POMGNT1: variants seen among roughly 807,000 people sequenced by gnomAD.
The protein encoded by POMGNT1 is protein O-linked-mannose beta-1,2-N-acetylglucosaminyltransferase 1.
A neutral mutation model predicts 95.6 loss-of-function variants in POMGNT1; 67 were observed. The observed-to-expected ratio is 0.70, with a 90% CI of 0.58 to 0.86. The LOEUF is 0.86. POMGNT1 is among the 40% of genes least tolerant of loss of function. The probability of loss-of-function intolerance (pLI) is 0.00; values close to 1 mark genes in which losing one functional copy is unlikely to be tolerated. For missense variants in POMGNT1, 719 were observed against 855.2 expected, an observed-to-expected ratio of 0.84 and a Z score of 1.99; for synonymous variants, 298 against 317.9, an observed-to-expected ratio of 0.94 and a Z score of 0.66.
At position 46,197,387 on chromosome 1, in the gene POMGNT1, G is replaced by C. The variant is rs767940696; in HGVS notation, c.121-303C>G. The C allele has an allele frequency of 1.9e-5, 28 of 1,484,788 alleles. No individual in the cohort carries two copies. In the South Asian group the frequency reaches 3.3e-4, roughly 17 times the overall value. The allele number at this position is 1,484,788 out of a possible 1,614,324, so 92.0% of individuals were successfully genotyped here. A position where few individuals can be genotyped will look rare whatever the true frequency, so the allele number is the denominator to read the frequency against. On this transcript the variant is annotated intron_variant, in intron 2 of 21. Transcript: ENST00000371984. ...TGTTGGTTTCTAGAGATGGAGCCAG[G>C]CCCAGGGACCCAAGCGGGGGATCAG... is the stretch of plus-strand genomic sequence containing the variant.
At chr1:46,195,062 C>T (rs1658121631) in intron 6 of POMGNT1, 101 bp from the exon 7 acceptor site, 1 of 1,013,434 alleles carries the variant, frequency 9.9e-7, no homozygotes, top group Admixed American at 1.7e-5. Context: ...TAAAATAGCT[C>T]ATTACATTAT....
At chr1:46,217,086 T>C (rs1659092930) in intron 1 of POMGNT1, among the ~76,000 whole-genome samples, 2 of 151,926 alleles carry the variant, frequency 1.3e-5, no homozygotes, top group African/African-American at 4.8e-5. Flanking sequence ...TTCACCCAAA[T>C]GAAGGAGTAA....
At position 46,189,151 on chromosome 1, in the gene POMGNT1, G is replaced by A; in HGVS notation, c.*119C>T. 6.7e-7 allele frequency: 1 copy of A among 1,501,962 alleles called. No homozygotes were observed. The allele number at this position is 1,501,962 out of a possible 1,614,324, so 93.0% of individuals were successfully genotyped here. Reference sequence around the variant, plus strand: ...CTTGGAGTTAGTAATTAAGTCTCATGTTAAAAACAAGGTAGCCCCAGCCCC... The same window carrying A: ...CTTGGAGTTAGTAATTAAGTCTCATATTAAAAACAAGGTAGCCCCAGCCCC... On this transcript the variant is annotated 3_prime_UTR_variant, in exon 22 of 22. Coordinates refer to ENST00000371984, the MANE Select transcript of POMGNT1 (RefSeq NM_017739.4).
intron 1 of POMGNT1, among the ~76,000 whole-genome samples, chr1:46,204,619 G>A (rs955433222): frequency 2.6e-5 from 4 of 152,140 alleles, no homozygotes; most frequent in African/African-American, 4.8e-5. Flanking sequence ...CCAGGGCTCC[G>A]ACGCCTGAGC....
chr1:46,197,963 T>C (rs1658374167), intron 1 of POMGNT1, 92 bp from the exon 2 acceptor site: 3 of 1,262,748 alleles, frequency 2.4e-6, no homozygotes, highest in Non-Finnish European at 2.2e-6. Context: ...CAGCAACTCT[T>C]CCCTGCAAGC....
chr1:46,200,440 CCCT>C (rs1025613093), upstream of POMGNT1, among the ~76,000 whole-genome samples: 3 of 152,184 alleles, frequency 2.0e-5, no homozygotes, highest in Admixed American at 6.5e-5. Flanking sequence ...CTGTGGGTTC[CCCT>C]CCTCAGTGAA....
chr1:46,215,598 GAAAATT>G (rs1306158985), intron 1 of POMGNT1, among the ~76,000 whole-genome samples: 1 of 152,176 alleles, frequency 6.6e-6, no homozygotes, highest in African/African-American at 2.4e-5. Flanking sequence ...GGCTAACACT[GAAAATT>G]AAAAGACATG....
At position 46,217,252 on chromosome 1, in the gene POMGNT1, C is replaced by T. The variant is rs190091599; in HGVS notation, c.-51+2453G>A. Among the ~76,000 whole-genome samples the T allele has an allele frequency of 1.1e-3, 171 of 152,126 alleles. 1 individual carries two copies. The highest frequency in any genetic ancestry group is 3.8e-3 in the African/African-American group (159 of 41,488). On this transcript the variant is annotated intron_variant, in intron 1 of 22. Transcript: ENST00000371992. Reference sequence around the variant, plus strand: ...GCAGAGGGCTCCTTAAGAGATGCCTCTCAGAAGATGGAATAGATAGAACGT... The same window carrying T: ...GCAGAGGGCTCCTTAAGAGATGCCTTTCAGAAGATGGAATAGATAGAACGT...
At position 46,193,184 on chromosome 1, in the gene POMGNT1, T is replaced by G. The variant is rs140846775; in HGVS notation, c.1142A>C (p.Asn381Thr). ...HYKASLTATF[N>T]LFPEAKFAVV... is the part of the protein sequence containing the mutation. ...ATCCTTAGTACTCACCGGAAACAGGTTGAAAGTGGCAGTGAGGCTGGCCTT... is the reference window on the plus strand; with the variant it reads ...ATCCTTAGTACTCACCGGAAACAGGGTGAAAGTGGCAGTGAGGCTGGCCTT... The change falls in exon 13 of 22, where the codon AAC (asparagine) becomes ACC (threonine). Residue 381 changes from asparagine (N) to threonine (T), a missense_variant. By Grantham distance (65) the Asn-to-Thr change is moderately conservative. Coordinates refer to ENST00000371984, the MANE Select transcript of POMGNT1 (RefSeq NM_017739.4). 23 of 1,614,072 alleles carry G rather than the reference T, an allele frequency of 1.4e-5. No homozygotes were observed. Among genetic ancestry groups the G allele is most frequent in the Non-Finnish European group, 1.9e-5 (23 of 1,180,002 alleles).
At chr1:46,190,596 T>A in intron 18 of POMGNT1, 79 bp from the exon 19 acceptor site, 1 of 1,533,198 alleles carries the variant, frequency 6.5e-7, no homozygotes, top group East Asian at 2.3e-5. Context: ...GGGCAAGGGG[T>A]CACATGGGAA....
rs386834035 is a variant in POMGNT1, at chr1:46,194,843, C to T, written c.652+1G>A. 1 of 1,614,156 alleles carries T rather than the reference C, an allele frequency of 6.2e-7. No individual in the cohort carries two copies. Among genetic ancestry groups the T allele is most frequent in the Non-Finnish European group, 8.5e-7 (1 of 1,180,028 alleles). ...GAGTGGATGGCCTCTGATGCCGGCA[C>T]CTCCTTTTCGTCCCACGAAGGCCCA... is the stretch of plus-strand genomic sequence containing the variant. On this transcript the variant is annotated splice_donor_variant, in intron 7 of 21. Coordinates refer to ENST00000371984, the MANE Select transcript of POMGNT1 (RefSeq NM_017739.4). LOFTEE classifies it high-confidence loss of function.
At chr1:46,198,871 T>C (rs1571675409), upstream of POMGNT1, among the ~76,000 whole-genome samples, 1 of 152,306 alleles carries the variant, frequency 6.6e-6, no homozygotes, top group East Asian at 1.9e-4. Context: ...GTTCTGTCAC[T>C]GTTCTAAGCA....
At chr1:46,207,321 T>C (rs1658747275) in intron 1 of POMGNT1, among the ~76,000 whole-genome samples, 1 of 152,028 alleles carries the variant, frequency 6.6e-6, no homozygotes, top group Non-Finnish European at 1.5e-5. Flanking sequence ...CCTCAAGTGA[T>C]CTTCTGCCTC....
chr1:46,191,049 C>T (rs1251929205), intron 17 of POMGNT1: 1 of 439,596 alleles, frequency 2.3e-6, no homozygotes, highest in African/African-American at 2.0e-5. Context: ...CTAGCAGTCC[C>T]TGCCTCTTGT....
rs913494425 is a variant in POMGNT1, at chr1:46,196,318, G to C, written c.355-241C>G. On this transcript the variant is annotated intron_variant, in intron 4 of 21. Coordinates refer to ENST00000371984, the MANE Select transcript of POMGNT1 (RefSeq NM_017739.4). The surrounding 1 kb of genome is among the most constrained non-coding windows in gnomAD (Gnocchi z 4.4). ...CTCCATGACTTTCATGGCTCTTAGA[G>C]CCTCTGCTGTCTCTGCTTCATCCTG... 3.9e-5 allele frequency among the ~76,000 whole-genome samples: 6 copies of C among 152,122 alleles called. No individual in the cohort carries two copies. The highest frequency in any genetic ancestry group is 1.4e-4 in the African/African-American group (6 of 41,406).
Position 46,189,533 on chromosome 1 carries a change from T to C in POMGNT1, c.1820A>G (p.Asn607Ser), listed in dbSNP as rs1189806159. ...LHIWDLDVRGNHRGLWRLFRK... is the reference protein window; with the variant it reads ...LHIWDLDVRGSHRGLWRLFRK... Reference sequence around the variant, plus strand: ...AAACAATCTCCACAGGCCCCGATGGTTGCCACGCACATCCAGGTCCCAGAT... The same window carrying C: ...AAACAATCTCCACAGGCCCCGATGGCTGCCACGCACATCCAGGTCCCAGAT... The change falls in exon 21 of 22, where the codon AAC becomes AGC. Residue 607 changes from asparagine to serine, a missense_variant. Coordinates refer to ENST00000371984, the MANE Select transcript of POMGNT1 (RefSeq NM_017739.4). The C allele has an allele frequency of 1.9e-6, 3 of 1,613,118 alleles. No homozygotes were observed. The East Asian group carries it at 6.7e-5, about 36-fold the overall frequency.
Position 46,198,411 on chromosome 1 carries a change from C to T in POMGNT1, c.-126G>A, listed in dbSNP as rs1393576046. On this transcript the variant is annotated 5_prime_UTR_variant, in exon 1 of 22. Transcript: ENST00000371984. ...CGGCCCGGCTCGCCGCGGCCTCCGC[C>T]TCCTCCATGCCGCTTGCGGCCCCGC... is the stretch of plus-strand genomic sequence containing the variant. 1 of 151,436 alleles carries T rather than the reference C, an allele frequency of 6.6e-6. No individual in the cohort carries two copies. Among genetic ancestry groups the T allele is most frequent in the East Asian group, 1.9e-4 (1 of 5,164 alleles). 9.4% of individuals were successfully genotyped at this position (151,436 alleles called of 1,614,324 possible).
At chr1:46,216,263 GTC>G (rs1659065157) in intron 1 of POMGNT1, among the ~76,000 whole-genome samples, 1 of 151,850 alleles carries the variant, frequency 6.6e-6, no homozygotes, top group Non-Finnish European at 1.5e-5. Flanking sequence ...AGCCAGGATG[GTC>G]TCTATCTCCT....
At chr1:46,216,289 A>G (rs1016235904) in intron 1 of POMGNT1, among the ~76,000 whole-genome samples, 5 of 151,102 alleles carry the variant, frequency 3.3e-5, no homozygotes, top group African/African-American at 7.3e-5. Context: ...CTCGTGATCC[A>G]CCCGCCTCGG....
Sources: gnomAD v4.1 joint callset for allele counts (sites outside exome capture counted in the v4.1 genomes callset) on GRCh38, gnomAD v4.1.1 for gene constraint, Gnocchi (gnomAD v3.1) non-coding constraint, MANE v1.5 for transcripts, NCBI Gene and HGNC (gene_info 2026-07-23, HGNC 2026-07-21) for gene names.